Variants in ARB2A observed in about 807,000 individuals in gnomAD.
ARB2A encodes the protein cotranscriptional regulator ARB2A.
chr5:93,962,893 G>A, the ARB2A span, among the ~76,000 whole-genome samples: 25 of 151,910 alleles, frequency 1.6e-4, no homozygotes, highest in Non-Finnish European at 1.5e-5. Context: ...CCATAATACA[G>A]AGTTCTCTTC....
At chr5:93,843,232 A>G in the ARB2A span, among the ~76,000 whole-genome samples, 1 of 152,318 alleles carries the variant, frequency 6.6e-6, no homozygotes, top group South Asian at 2.1e-4. Context: ...CCCTACTGAT[A>G]AATATGAATA....
chr5:94,031,540 G>A, the ARB2A span, among the ~76,000 whole-genome samples: 1 of 152,196 alleles, frequency 6.6e-6, no homozygotes, highest in African/African-American at 2.4e-5. Flanking sequence ...GAGAAAGGAA[G>A]CAGAGCAAAA....
the ARB2A span, among the ~76,000 whole-genome samples, chr5:93,777,505 A>C: frequency 1.3e-5 from 2 of 152,166 alleles, no homozygotes; most frequent in Non-Finnish European, 2.9e-5. Context: ...ATATGTGATT[A>C]TCATCATATG....
At chr5:93,858,178 G>A in the ARB2A span, among the ~76,000 whole-genome samples, 3 of 152,286 alleles carry the variant, frequency 2.0e-5, no homozygotes, top group South Asian at 6.2e-4. Flanking sequence ...CAACACATGT[G>A]AAAAGTTGTG....
At chr5:93,979,417 G>A in the ARB2A span, among the ~76,000 whole-genome samples, 1 of 151,964 alleles carries the variant, frequency 6.6e-6, no homozygotes, top group African/African-American at 2.4e-5. Flanking sequence ...TAATAGGCAG[G>A]TGAAACCTAT....
chr5:93,644,490 C>T, the ARB2A span, among the ~76,000 whole-genome samples: 5 of 152,124 alleles, frequency 3.3e-5, no homozygotes, highest in Non-Finnish European at 7.4e-5. Context: ...TCACAATTAT[C>T]CACTGTTGAT....
chr5:93,881,684 C>T, the ARB2A span: 1 of 1,512,170 alleles, frequency 6.6e-7, no homozygotes, highest in Non-Finnish European at 8.9e-7. Flanking sequence ...TACTCCATAT[C>T]CTTCCTGTTT....
At chr5:94,099,159 A>G in the ARB2A span, among the ~76,000 whole-genome samples, 1 of 152,176 alleles carries the variant, frequency 6.6e-6, no homozygotes, top group African/African-American at 2.4e-5. Flanking sequence ...CTAAAATCTG[A>G]CAGAGAAACA....
chr5:94,018,756 C>A, the ARB2A span, among the ~76,000 whole-genome samples: 1 of 151,712 alleles, frequency 6.6e-6, no homozygotes, highest in Admixed American at 6.6e-5. Context: ...CAGTGCTATC[C>A]CCATTTTCTA....
chr5:93,936,940 G>GTTTTTTTT, the ARB2A span, among the ~76,000 whole-genome samples: 1 of 133,578 alleles, frequency 7.5e-6, no homozygotes, highest in African/African-American at 2.7e-5. Context: ...AATTATAAAG[G>GTTTTTTTT]TTTTTTTTTT....
chr5:93,640,838 C>G, the ARB2A span, among the ~76,000 whole-genome samples: 2 of 151,960 alleles, frequency 1.3e-5, no homozygotes, highest in Admixed American at 6.6e-5. Context: ...ATGTGTTACA[C>G]AATTTGTTGA....
At chr5:93,852,953 C>A in the ARB2A span, among the ~76,000 whole-genome samples, 1 of 151,938 alleles carries the variant, frequency 6.6e-6, no homozygotes, top group Non-Finnish European at 1.5e-5. Flanking sequence ...TTTTTTGGTT[C>A]CATATGAACT....
chr5:93,796,427 G>A, the ARB2A span, among the ~76,000 whole-genome samples: 5 of 152,252 alleles, frequency 3.3e-5, no homozygotes, highest in Non-Finnish European at 4.4e-5. Context: ...CCATTTAAAT[G>A]TTCTTAAGAC....
chr5:93,621,217 C>T, the ARB2A span: 2 of 1,293,958 alleles, frequency 1.5e-6, no homozygotes, highest in Non-Finnish European at 1.0e-6. Context: ...GCCCCGGCTC[C>T]CGACCACCCG....
the ARB2A span, chr5:93,682,893 G>A: frequency 4.9e-5 from 75 of 1,542,430 alleles, 1 homozygote; most frequent in South Asian, 3.1e-4. Flanking sequence ...TTAGTCATCC[G>A]GAAGCAATTC....
chr5:93,962,804 T>C, the ARB2A span, among the ~76,000 whole-genome samples: 1 of 152,276 alleles, frequency 6.6e-6, no homozygotes, highest in East Asian at 1.9e-4. Flanking sequence ...ATGGGCATGA[T>C]GCTTAAGTTT....
At chr5:94,073,014 T>A in the ARB2A span, among the ~76,000 whole-genome samples, 103 of 152,230 alleles carry the variant, frequency 6.8e-4, no homozygotes, top group African/African-American at 2.3e-3. Flanking sequence ...ATGCCTTATC[T>A]GAAGCACTTT....
chr5:93,926,729 G>A, the ARB2A span, among the ~76,000 whole-genome samples: 1 of 151,972 alleles, frequency 6.6e-6, no homozygotes, highest in East Asian at 1.9e-4. Flanking sequence ...ACCAAATGAG[G>A]ACGTTAATAC....
chr5:93,827,385 A>G, the ARB2A span, among the ~76,000 whole-genome samples: 2 of 152,152 alleles, frequency 1.3e-5, no homozygotes, highest in Non-Finnish European at 2.9e-5. Flanking sequence ...TTGGCTGCAT[A>G]AATGTCTTCT....
Sources: gnomAD v4.1 joint callset for allele counts (sites outside exome capture counted in the v4.1 genomes callset) on GRCh38, gnomAD v4.1.1 for gene constraint, MANE v1.5 for transcripts, NCBI Gene and HGNC (gene_info 2026-07-23, HGNC 2026-07-21) for gene names.